PCDH15: variants seen among roughly 807,000 people sequenced by gnomAD.
PCDH15 encodes the protein protocadherin-15.
A neutral mutation model predicts 178.5 loss-of-function variants in PCDH15; 129 were observed. The observed-to-expected ratio is 0.72, with a 90% CI of 0.63 to 0.84. The LOEUF is 0.84. PCDH15 is among the 40% of genes least tolerant of loss of function. PCDH15 has a pLI of 0.00. For missense variants in PCDH15, 2,230 were observed against 2,099.9 expected, an observed-to-expected ratio of 1.06 and a Z score of -1.21; for synonymous variants, 800 against 732.0, an observed-to-expected ratio of 1.09 and a Z score of -1.50.
At chr10:55,291,014 C>A (rs1382622585) in intron 1 of PCDH15, among the ~76,000 whole-genome samples, 1 of 152,050 alleles carries the variant, frequency 6.6e-6, no homozygotes, top group Non-Finnish European at 1.5e-5. Context: ...CTTAAGATTT[C>A]ATAAATTTCA....
At chr10:55,522,313 A>T (rs1447040335) in intron 2 of PCDH15, among the ~76,000 whole-genome samples, 1 of 151,630 alleles carries the variant, frequency 6.6e-6, no homozygotes, top group Non-Finnish European at 1.5e-5. Flanking sequence ...ACACATTTTT[A>T]TTTGTTCTAT....
chr10:54,475,700 AG>A (rs2136794989), intron 3 of PCDH15, among the ~76,000 whole-genome samples: 1 of 151,988 alleles, frequency 6.6e-6, no homozygotes, highest in Admixed American at 6.6e-5. Context: ...ATTGCCTCTG[AG>A]GGCAAGAGAT....
intron 1 of PCDH15, among the ~76,000 whole-genome samples, chr10:54,710,134 T>A (rs1369777790): frequency 6.6e-6 from 1 of 151,982 alleles, no homozygotes; most frequent in Non-Finnish European, 1.5e-5. Context: ...GACGTGATCC[T>A]ACCAAGCAAA....
chr10:53,991,062 G>C (rs1458212390), intron 21 of PCDH15, among the ~76,000 whole-genome samples: 1 of 152,098 alleles, frequency 6.6e-6, no homozygotes, highest in Non-Finnish European at 1.5e-5. Context: ...GCAGGGCTTG[G>C]GACCTGCAGC....
intron 2 of PCDH15, among the ~76,000 whole-genome samples, chr10:54,898,806 T>C (rs1954589927): frequency 6.6e-6 from 1 of 152,182 alleles, no homozygotes; most frequent in African/African-American, 2.4e-5. Flanking sequence ...GTTCTAACCA[T>C]AGTTTCAGTA....
At chr10:54,439,669 T>C (rs1565280368) in intron 3 of PCDH15, among the ~76,000 whole-genome samples, 1 of 152,074 alleles carries the variant, frequency 6.6e-6, no homozygotes, top group Non-Finnish European at 1.5e-5. Flanking sequence ...AAATAAATGT[T>C]TTAAATGCCA....
At chr10:55,362,016 G>A (rs1029146713) in intron 2 of PCDH15, among the ~76,000 whole-genome samples, 11 of 151,964 alleles carry the variant, frequency 7.2e-5, no homozygotes, top group Non-Finnish European at 1.5e-4. Context: ...TATAAACAGC[G>A]GCACAGTCAT....
In PCDH15 at chr10:55,403,886, ACTTT is replaced by A. The variant is rs1293740767; in HGVS notation, c.-156+223735_-156+223738del. Among the ~76,000 whole-genome samples the A allele has an allele frequency of 6.6e-5, 10 of 152,086 alleles. No individual in the cohort carries two copies. The East Asian group carries it at 1.9e-3, about 29-fold the overall frequency. ...TAGAACCAGTGACCAGTATTCAAGTACTTTCTGAGGTTAAACCCCAGATAGAAGA... is the reference window on the plus strand; with the variant it reads ...TAGAACCAGTGACCAGTATTCAAGTACTGAGGTTAAACCCCAGATAGAAGA... On this transcript the variant is annotated intron_variant, in intron 2 of 5. Coordinates refer to the PCDH15 transcript ENST00000613346.
At chr10:53,882,537 T>A (rs921300176) in intron 26 of PCDH15, among the ~76,000 whole-genome samples, 14 of 152,174 alleles carry the variant, frequency 9.2e-5, no homozygotes, top group Non-Finnish European at 2.9e-5. Context: ...AATTTTTGTA[T>A]TTTTAGTGGA....
chr10:55,175,602 G>A (rs1839459436), intron 1 of PCDH15, among the ~76,000 whole-genome samples: 1 of 145,376 alleles, frequency 6.9e-6, no homozygotes, highest in South Asian at 2.1e-4. Flanking sequence ...GGAGGCAGAG[G>A]TTGCAGTGAG....
chr10:54,202,481 T>C (rs2050332849), intron 10 of PCDH15, among the ~76,000 whole-genome samples: 1 of 152,032 alleles, frequency 6.6e-6, no homozygotes, highest in South Asian at 2.1e-4. Flanking sequence ...TCTCAAACTC[T>C]GATGTACCTA....
At chr10:54,287,929 A>G (rs1683796307) in intron 8 of PCDH15, among the ~76,000 whole-genome samples, 1 of 152,154 alleles carries the variant, frequency 6.6e-6, no homozygotes, top group South Asian at 2.1e-4. Flanking sequence ...GGATTAAAAC[A>G]CTTATCCTAG....
intron 2 of PCDH15, among the ~76,000 whole-genome samples, chr10:55,129,641 G>A (rs946686312): frequency 6.6e-6 from 1 of 152,012 alleles, no homozygotes; most frequent in Non-Finnish European, 1.5e-5. Flanking sequence ...CCAAAGTTAG[G>A]ATAGTCTTTC....
At chr10:54,063,779 C>T (rs916026497) in intron 18 of PCDH15, among the ~76,000 whole-genome samples, 1 of 152,150 alleles carries the variant, frequency 6.6e-6, no homozygotes, top group Admixed American at 6.6e-5. Context: ...TGCATAGCCA[C>T]GCACGCTAGC....
intron 5 of PCDH15, among the ~76,000 whole-genome samples, chr10:54,352,644 G>T (rs1368173414): frequency 6.6e-6 from 1 of 152,086 alleles, no homozygotes; most frequent in Non-Finnish European, 1.5e-5. Context: ...TAACAAAAAA[G>T]AAGCATTACC....
intron 1 of PCDH15, among the ~76,000 whole-genome samples, chr10:55,280,269 CTTTTTTTTTTTTT>C (rs1007536850): frequency 3.0e-5 from 2 of 65,992 alleles, no homozygotes; most frequent in African/African-American, 6.6e-5. Context: ...TATTTTGATT[CTTTTTTTTTTTTT>C]TTTTTTTTTT....
intron 2 of PCDH15, among the ~76,000 whole-genome samples, chr10:55,627,400 C>A (rs1837553774): frequency 6.6e-6 from 1 of 152,020 alleles, no homozygotes. Flanking sequence ...CTCACATTCC[C>A]CCAACACAAA....
intron 2 of PCDH15, among the ~76,000 whole-genome samples, chr10:55,406,886 C>T (rs1360848919): frequency 6.6e-6 from 1 of 152,118 alleles, no homozygotes; most frequent in Non-Finnish European, 1.5e-5. Flanking sequence ...GTAAAACAGA[C>T]AGAGTGACAA....
intron 1 of PCDH15, among the ~76,000 whole-genome samples, chr10:54,680,460 C>CT (rs1249332938): frequency 4.6e-5 from 7 of 150,888 alleles, no homozygotes; most frequent in Admixed American, 1.3e-4. Flanking sequence ...GTGGAGCTTT[C>CT]TTTTTTTTTA....
Sources: gnomAD v4.1 joint callset for allele counts (sites outside exome capture counted in the v4.1 genomes callset) on GRCh38, gnomAD v4.1.1 for gene constraint, MANE v1.5 for transcripts, NCBI Gene and HGNC (gene_info 2026-07-23, HGNC 2026-07-21) for gene names.